The following SV2B variants were observed in gnomAD, a reference collection of about 807,000 sequenced individuals.
SV2B encodes synaptic vesicle glycoprotein 2B, also known as solute carrier family 22 member B2.
Under a neutral mutation model 73.9 loss-of-function variants are expected in SV2B, and 41 were observed. The observed-to-expected ratio is 0.56, with a 90% CI of 0.43 to 0.72. The LOEUF (loss-of-function observed/expected upper bound fraction) is 0.72, where lower values mean the gene tolerates loss of function less well. Among genes scored for constraint, SV2B ranks in the 30% least tolerant of loss-of-function variants. The pLI is 0.00. For synonymous variants in SV2B, 314 were observed against 314.2 expected, an observed-to-expected ratio of 1.00 and a Z score of 0.01; for missense variants, 764 against 857.8, an observed-to-expected ratio of 0.89 and a Z score of 1.37.
At chr15:91,276,325 G>T (rs952354757) in intron 9 of SV2B, among the ~76,000 whole-genome samples, 3 of 151,636 alleles carry the variant, frequency 2.0e-5, no homozygotes, top group African/African-American at 7.3e-5. Flanking sequence ...CTCTATTGAG[G>T]TTCTATAAGT....
chr15:91,139,300 A>G lies in SV2B; in HGVS notation c.-392+38937A>G, dbSNP rs1470393779. Reference sequence around the variant, plus strand: ...TGGGTACATGGTAGTTCATTAAATTATTCTCTCTACTTTTGAATGTGCTTG... The same window carrying G: ...TGGGTACATGGTAGTTCATTAAATTGTTCTCTCTACTTTTGAATGTGCTTG... On this transcript the variant is annotated intron_variant, in intron 1 of 12. Transcript: ENST00000394232. The surrounding 1 kb of genome is among the most constrained non-coding windows in gnomAD (Gnocchi z 5.2). Among the ~76,000 whole-genome samples, 1 of 152,094 alleles carries G rather than the reference A, an allele frequency of 6.6e-6. No individual in the cohort carries two copies. The highest frequency in any genetic ancestry group is 1.5e-5 in the Non-Finnish European group (1 of 68,030).
chr15:91,112,041 A>T (rs2042050034), intron 1 of SV2B, among the ~76,000 whole-genome samples: 1 of 147,104 alleles, frequency 6.8e-6, no homozygotes. Flanking sequence ...ACATTTCAAC[A>T]TGAGATTTGG....
intron 1 of SV2B, among the ~76,000 whole-genome samples, chr15:91,143,215 G>A (rs551877312): frequency 1.3e-5 from 2 of 152,296 alleles, no homozygotes; most frequent in African/African-American, 4.8e-5. Flanking sequence ...ACCCACATAG[G>A]GCTGTCCATA....
chr15:91,203,134 C>T (rs1339741219), intron 1 of SV2B, among the ~76,000 whole-genome samples: 2 of 152,208 alleles, frequency 1.3e-5, no homozygotes, highest in Admixed American at 1.3e-4. Flanking sequence ...GAATACAGAA[C>T]AAATGCCATC....
intron 1 of SV2B, among the ~76,000 whole-genome samples, chr15:91,177,566 A>C (rs1195240324): frequency 2.0e-4 from 30 of 147,078 alleles, no homozygotes; most frequent in African/African-American, 6.8e-4. Context: ...CTTTTATTTC[A>C]TTGAGCAGTG....
In SV2B at chr15:91,140,654, T is replaced by G. The variant is rs999720582; in HGVS notation, c.-392+40291T>G. Among the ~76,000 whole-genome samples, 1 of 152,190 alleles carries G rather than the reference T, an allele frequency of 6.6e-6. No homozygotes were observed. Among genetic ancestry groups the G allele is most frequent in the East Asian group, 1.9e-4 (1 of 5,184 alleles). The stretch of plus-strand genomic sequence containing the variant: ...GGAGAACATGTCTGACAGTCAGTTT[T>G]TCTTTCCACACTAGGCTTCCTGGAC... On this transcript the variant is annotated intron_variant, in intron 1 of 12. Transcript: ENST00000394232. The surrounding 1 kb of genome is among the most constrained non-coding windows in gnomAD (Gnocchi z 4.4).
In SV2B at chr15:91,201,031, G is replaced by A. The variant is rs187279402; in HGVS notation, c.-391-24842G>A. Among the ~76,000 whole-genome samples the A allele has an allele frequency of 2.6e-5, 4 of 152,270 alleles. No homozygotes were observed. The East Asian group carries it at 5.8e-4, about 22-fold the overall frequency. ...ATGTGTCATAAGATAACCATTTTAT[G>A]TTTGGCTTTTGCTGCATTATTGGCT... On this transcript the variant is annotated intron_variant, in intron 1 of 12. Transcript: ENST00000394232.
At chr15:91,208,190 C>G (rs1397273314) in intron 1 of SV2B, among the ~76,000 whole-genome samples, 1 of 152,180 alleles carries the variant, frequency 6.6e-6, no homozygotes, top group African/African-American at 2.4e-5. Context: ...TAGTAGAAAC[C>G]TAGCGGTGTC....
intron 1 of SV2B, among the ~76,000 whole-genome samples, chr15:91,108,637 C>T (rs1221247266): frequency 6.6e-6 from 1 of 152,238 alleles, no homozygotes. Flanking sequence ...CAGTGATGAG[C>T]TAAGTCTCTG....
rs1205454337 is a variant in SV2B, at chr15:91,232,209, C to G, written c.451+5495C>G. Among the ~76,000 whole-genome samples the G allele has an allele frequency of 1.3e-5, 2 of 152,184 alleles. No individual in the cohort carries two copies. The highest frequency in any genetic ancestry group is 2.9e-5 in the Non-Finnish European group (2 of 68,034). On this transcript the variant is annotated intron_variant, in intron 2 of 12. Coordinates refer to ENST00000394232, the MANE Select transcript of SV2B (RefSeq NM_001323032.3). This position sits in a 1 kb window ranked among gnomAD's most constrained non-coding sequence, Gnocchi z 4.7. ...CAGTGACCAAGTATTTACCTACTTACTCATGATGGTGAAATCCACCACTGG... is the reference window on the plus strand; with the variant it reads ...CAGTGACCAAGTATTTACCTACTTAGTCATGATGGTGAAATCCACCACTGG...
intron 1 of SV2B, chr15:91,102,043 C>G (rs1054033667): frequency 1.3e-5 from 2 of 152,088 alleles, no homozygotes; most frequent in Admixed American, 6.6e-5. Context: ...CAGCCCAGTT[C>G]AAAAGGAAAA....
chr15:91,300,670 C>G lies in SV2B; in HGVS notation c.*8118C>G, dbSNP rs951747156. ...TCCCTGAAAGTCAGGCCAGTGGTCT[C>G]GAATCATTCCCACAGCAACTGCTAC... On this transcript the variant is annotated 3_prime_UTR_variant, in exon 13 of 13. Transcript: ENST00000394232. 6.6e-6 allele frequency: 1 copy of G among 152,120 alleles called. No individual in the cohort carries two copies. Among genetic ancestry groups the G allele is most frequent in the Non-Finnish European group, 1.5e-5 (1 of 68,034 alleles). 9.4% of individuals were successfully genotyped at this position (152,120 alleles called of 1,614,324 possible).
chr15:91,152,133 C>G (rs2043333862), intron 1 of SV2B, among the ~76,000 whole-genome samples: 1 of 144,960 alleles, frequency 6.9e-6, no homozygotes, highest in African/African-American at 2.7e-5. Flanking sequence ...AGCAAAAGAG[C>G]AAAGCTTCCA....
In SV2B at chr15:91,231,121, A is replaced by T. The variant is rs961087878; in HGVS notation, c.451+4407A>T. 6.6e-6 allele frequency among the ~76,000 whole-genome samples: 1 copy of T among 152,204 alleles called. No individual in the cohort carries two copies. The highest frequency in any genetic ancestry group is 1.9e-4 in the East Asian group (1 of 5,204). On this transcript the variant is annotated intron_variant, in intron 2 of 12. Transcript: ENST00000394232. This position sits in a 1 kb window ranked among gnomAD's most constrained non-coding sequence, Gnocchi z 4.5. ...TTATGCATTTTCTGGGTATGTAAAA[A>T]AAAAATCACCCGAAGAAATGATTAA...
At chr15:91,167,945 A>T (rs181338281) in intron 1 of SV2B, among the ~76,000 whole-genome samples, 1 of 152,142 alleles carries the variant, frequency 6.6e-6, no homozygotes, top group African/African-American at 2.4e-5. Flanking sequence ...TCTGGATCCA[A>T]TGTAAATTTA....
rs1444935059 is a variant in SV2B at position 91,295,009 on chromosome 15, A to T, written c.*2457A>T. The T allele has an allele frequency of 6.6e-6, 1 of 152,658 alleles. No individual in the cohort carries two copies. The highest frequency in any genetic ancestry group is 1.9e-4 in the East Asian group (1 of 5,202). 9.5% of individuals were successfully genotyped at this position (152,658 alleles called of 1,614,324 possible). On this transcript the variant is annotated 3_prime_UTR_variant, in exon 13 of 13. Transcript: ENST00000394232. Reference sequence around the variant, plus strand: ...CTGAGATAAATGCGTCTTTAAAAATAGTCTCTGTGGCAGGTCACTGGGGGA... The same window carrying T: ...CTGAGATAAATGCGTCTTTAAAAATTGTCTCTGTGGCAGGTCACTGGGGGA...
At chr15:91,177,135 T>G (rs1284584473) in intron 1 of SV2B, among the ~76,000 whole-genome samples, 1 of 151,444 alleles carries the variant, frequency 6.6e-6, no homozygotes, top group East Asian at 1.9e-4. Context: ...CCAGCACCAT[T>G]TATTAAATAG....
chr15:91,109,832 C>T (rs1179401791), intron 1 of SV2B, among the ~76,000 whole-genome samples: 1 of 152,072 alleles, frequency 6.6e-6, no homozygotes, highest in Admixed American at 6.5e-5. Context: ...GCCTCTTGGG[C>T]CCAAGCAATC....
intron 4 of SV2B, among the ~76,000 whole-genome samples, chr15:91,254,164 T>A (rs1280819158): frequency 6.6e-6 from 1 of 152,150 alleles, no homozygotes; most frequent in African/African-American, 2.4e-5. Flanking sequence ...TTCCTCACAA[T>A]TCTTGATATA....
Sources: allele counts gnomAD v4.1 joint callset (sites outside exome capture counted in the v4.1 genomes callset), GRCh38; gene constraint gnomAD v4.1.1; non-coding constraint Gnocchi (gnomAD v3.1); transcripts MANE v1.5; gene names NCBI Gene and HGNC (gene_info 2026-07-23, HGNC 2026-07-21).